The following RASAL2 variants were observed in gnomAD, a reference collection of about 807,000 sequenced individuals.
RASAL2 encodes RAS protein activator like 2.
RASAL2 carries 58 observed loss-of-function variants against 128.9 expected under a neutral mutation model. The observed-to-expected ratio is 0.45, with a 90% CI of 0.36 to 0.56. The LOEUF (loss-of-function observed/expected upper bound fraction) is 0.56. Among genes scored for constraint, RASAL2 ranks in the 20% least tolerant of loss-of-function variants. RASAL2 has a pLI of 0.00. For missense variants in RASAL2, 1,360 were observed against 1,601.6 expected (o/e 0.85, Z 2.57); for synonymous variants, 561 against 580.8 (o/e 0.97, Z 0.49).
At chr1:178,438,547 C>T (rs575679146) in intron 5 of RASAL2, among the ~76,000 whole-genome samples, 43 of 151,984 alleles carry the variant, frequency 2.8e-4, no homozygotes, top group African/African-American at 1.0e-3. Context: ...ATTGTACTTA[C>T]GTTTGACTCC....
At chr1:178,129,951 A>G (rs1363882865) in intron 1 of RASAL2, among the ~76,000 whole-genome samples, 2 of 152,176 alleles carry the variant, frequency 1.3e-5, no homozygotes, top group East Asian at 3.8e-4. Flanking sequence ...TAGAATAATT[A>G]AAACACCAGG....
intron 1 of RASAL2, among the ~76,000 whole-genome samples, chr1:178,110,511 T>C (rs1659260356): frequency 6.8e-6 from 1 of 147,610 alleles, no homozygotes; most frequent in Admixed American, 6.8e-5. Flanking sequence ...ATATATAGCA[T>C]ATATAGTGTA....
chr1:178,343,579 G>C lies in RASAL2; in HGVS notation c.457+43461G>C. 1.3e-5 allele frequency among the ~76,000 whole-genome samples: 2 copies of C among 152,134 alleles called. 1 individual carries two copies. Among genetic ancestry groups the C allele is most frequent in the Admixed American group, 1.3e-4 (2 of 15,264 alleles). On this transcript the variant is annotated intron_variant, in intron 3 of 17. Transcript: ENST00000367649. Reference sequence around the variant, plus strand: ...AGAGAGTAAAATGGGCCTTTGGCCTGAGTATATTTTCTGATGCCAGAAATG... The same window carrying C: ...AGAGAGTAAAATGGGCCTTTGGCCTCAGTATATTTTCTGATGCCAGAAATG...
At chr1:178,134,016 T>TA (rs1247356607) in intron 1 of RASAL2, among the ~76,000 whole-genome samples, 11 of 152,210 alleles carry the variant, frequency 7.2e-5, no homozygotes, top group African/African-American at 2.7e-4. Flanking sequence ...TTAAATTTTT[T>TA]ATCTATTGCT....
intron 4 of RASAL2, among the ~76,000 whole-genome samples, chr1:178,408,996 C>T (rs1674179930): frequency 6.6e-6 from 1 of 152,090 alleles, no homozygotes; most frequent in Non-Finnish European, 1.5e-5. Flanking sequence ...CACAGTTCCA[C>T]AGCCTTAACA....
At chr1:178,157,951 A>G (rs1661139660) in intron 1 of RASAL2, among the ~76,000 whole-genome samples, 1 of 152,162 alleles carries the variant, frequency 6.6e-6, no homozygotes, top group African/African-American at 2.4e-5. Context: ...ATGACATTTA[A>G]AAAAAACACC....
chr1:178,230,279 A>AGG (rs1663949740), intron 1 of RASAL2, among the ~76,000 whole-genome samples: 1 of 152,186 alleles, frequency 6.6e-6, no homozygotes, highest in East Asian at 1.9e-4. Flanking sequence ...GTACAAGTAT[A>AGG]TATATTTTTA....
At chr1:178,335,921 GA>G (rs1229967410) in intron 3 of RASAL2, among the ~76,000 whole-genome samples, 77 of 142,858 alleles carry the variant, frequency 5.4e-4, no homozygotes, top group South Asian at 1.3e-3. Context: ...CTATGAAGAG[GA>G]AAAAAAAAAA....
intron 1 of RASAL2, among the ~76,000 whole-genome samples, chr1:178,237,462 T>C (rs182399041): frequency 1.3e-3 from 196 of 152,290 alleles, no homozygotes; most frequent in African/African-American, 4.6e-3. Context: ...GTAATGAGAA[T>C]GTTGAGACTA....
At chr1:178,240,014 TA>T (rs1217915591) in intron 1 of RASAL2, among the ~76,000 whole-genome samples, 8 of 152,082 alleles carry the variant, frequency 5.3e-5, no homozygotes, top group Non-Finnish European at 8.8e-5. Context: ...TAATAAAACA[TA>T]AAATATTTGC....
intron 1 of RASAL2, among the ~76,000 whole-genome samples, chr1:178,251,656 G>T (rs529657527): frequency 6.6e-6 from 1 of 152,234 alleles, no homozygotes; most frequent in South Asian, 2.1e-4. Context: ...CATGTAGCCT[G>T]TCCTGCCACA....
chr1:178,355,001 G>A (rs1670724603), intron 3 of RASAL2, among the ~76,000 whole-genome samples: 1 of 152,162 alleles, frequency 6.6e-6, no homozygotes, highest in African/African-American at 2.4e-5. Flanking sequence ...GCACATGCCT[G>A]TGGTCCCAGC....
intron 1 of RASAL2, among the ~76,000 whole-genome samples, chr1:178,098,705 CT>C (rs1050208597): frequency 1.1e-4 from 16 of 152,158 alleles, no homozygotes; most frequent in African/African-American, 3.6e-4. Flanking sequence ...AAATCTTGTA[CT>C]TTTAAATTTT....
intron 1 of RASAL2, among the ~76,000 whole-genome samples, chr1:178,243,080 A>G (rs1468707022): frequency 6.6e-6 from 1 of 152,024 alleles, no homozygotes; most frequent in African/African-American, 2.4e-5. Flanking sequence ...CATTTTGGTT[A>G]TTATGCTAGG....
chr1:178,164,051 G>A (rs1478660742), intron 1 of RASAL2, among the ~76,000 whole-genome samples: 3 of 152,034 alleles, frequency 2.0e-5, no homozygotes, highest in East Asian at 3.9e-4. Context: ...AAGCATATAT[G>A]GCAAAATGTA....
intron 1 of RASAL2, among the ~76,000 whole-genome samples, chr1:178,271,009 T>A (rs775897481): frequency 2.0e-5 from 3 of 152,236 alleles, no homozygotes; most frequent in Non-Finnish European, 4.4e-5. Context: ...ATTACTCTTT[T>A]GTCCACCATT....
intron 1 of RASAL2, among the ~76,000 whole-genome samples, chr1:178,251,132 T>C: frequency 6.6e-6 from 1 of 152,222 alleles, no homozygotes; most frequent in East Asian, 1.9e-4. Context: ...ACTTGGACTC[T>C]TTGGGAAACT....
At chr1:178,466,832 G>A (rs12077260) in intron 16 of RASAL2, among the ~76,000 whole-genome samples, 1,993 of 152,262 alleles carry the variant, frequency 0.013, 34 homozygotes, top group African/African-American at 0.046. Context: ...TTTTAATAGT[G>A]TGGAGGTAAT....
chr1:178,189,061 G>A (rs1457013003), intron 1 of RASAL2, among the ~76,000 whole-genome samples: 3 of 152,068 alleles, frequency 2.0e-5, no homozygotes, highest in Non-Finnish European at 4.4e-5. Context: ...TATGTTACCT[G>A]TGTAAATCTG....
Sources: gnomAD v4.1 joint callset for allele counts (sites outside exome capture counted in the v4.1 genomes callset) on GRCh38, gnomAD v4.1.1 for gene constraint, MANE v1.5 for transcripts, NCBI Gene and HGNC (gene_info 2026-07-23, HGNC 2026-07-21) for gene names.